KANSL3: variants seen among roughly 807,000 people sequenced by gnomAD.
KANSL3 encodes the protein KAT8 regulatory NSL complex subunit 3.
A neutral mutation model predicts 89.2 loss-of-function variants in KANSL3; 16 were observed. The observed-to-expected ratio is 0.18, with a 90% CI of 0.12 to 0.27. The LOEUF (loss-of-function observed/expected upper bound fraction) is 0.27. KANSL3 is among the 10% of genes least tolerant of loss of function. KANSL3 has a pLI of 1.00. For missense variants in KANSL3, 879 were observed against 1,110.6 expected, an observed-to-expected ratio of 0.79 and a Z score of 2.96; for synonymous variants, 385 against 419.7, an observed-to-expected ratio of 0.92 and a Z score of 1.01.
At chr2:96,585,077 G>A in the KANSL3 span, among the ~76,000 whole-genome samples, 2 of 152,080 alleles carry the variant, frequency 1.3e-5, no homozygotes, top group Non-Finnish European at 2.9e-5. Context: ...TGTTGGCTTA[G>A]GTAAAGAGTT....
In KANSL3 at chr2:96,622,095, C is replaced by G. The variant is rs141250094; in HGVS notation, c.387-2333G>C. 8.4e-3 allele frequency among the ~76,000 whole-genome samples: 1,217 copies of G among 144,414 alleles called. 13 individuals are homozygous for G. The highest frequency in any genetic ancestry group is 0.029 in the African/African-American group (1,151 of 39,058). The allele number at this position is 144,414 out of a possible 152,430, so 94.7% of individuals were successfully genotyped here. ...TGCCATTGCACTCCAGCCTGGGCAA[C>G]AGAGAGAGACTCCAGCTCAAAAAAA... On this transcript the variant is annotated intron_variant, in intron 3 of 20. Coordinates refer to ENST00000431828, the MANE Select transcript of KANSL3 (RefSeq NM_001115016.3).
intron 14 of KANSL3, 139 bp downstream of exon 14, chr2:96,608,369 T>C: frequency 2.6e-6 from 2 of 769,162 alleles, no homozygotes; most frequent in Non-Finnish European, 4.2e-6. Flanking sequence ...ATTTTGAATT[T>C]TGCCTGCACA....
At chr2:96,630,649 T>C (rs560054430) in intron 3 of KANSL3, among the ~76,000 whole-genome samples, 1 of 152,328 alleles carries the variant, frequency 6.6e-6, no homozygotes, top group Non-Finnish European at 1.5e-5. Flanking sequence ...TGACTGTACA[T>C]ATTAAATAGC....
At position 96,612,486 on chromosome 2, in the gene KANSL3, C is replaced by A; in HGVS notation, c.990G>T (p.Gly330=). Residue 330 remains glycine, a synonymous_variant, in exon 8 of 21, where the codon GGG becomes GGT. Transcript: ENST00000431828. ...GVLQCLEHMI[G]AVRSKVLEIH... is the part of the protein sequence containing the mutation. ...CCTCCAGCACTTTGCTTCTCACTGC[C>A]CCAATCATATGCTCGAGACACTGTA... 1 of 1,613,896 alleles carries A rather than the reference C, an allele frequency of 6.2e-7. No individual in the cohort carries two copies. Among genetic ancestry groups the A allele is most frequent in the Non-Finnish European group, 8.5e-7 (1 of 1,179,836 alleles).
chr2:96,602,701 G>A (rs2067358865), intron 18 of KANSL3, 52 bp downstream of exon 18: 3 of 1,442,004 alleles, frequency 2.1e-6, no homozygotes, highest in South Asian at 1.3e-5. Context: ...CAACTAAGCT[G>A]AGGAGGCCTC....
rs552245006 is a variant in KANSL3 at position 96,598,734 on chromosome 2, AC to A, written c.2616+2908del. Among the ~76,000 whole-genome samples, 601 of 152,124 alleles carry A rather than the reference AC, an allele frequency of 4.0e-3. 2 individuals are homozygous for A. The highest frequency in any genetic ancestry group is 8.7e-3 in the South Asian group (42 of 4,814). ...AGACAAGCCTGGACAACATGGTGAA[AC>A]CCTGTCTCTACTAAAAATAGAAAAA... On this transcript the variant is annotated intron_variant, in intron 20 of 20. Transcript: ENST00000431828.
intron 20 of KANSL3, among the ~76,000 whole-genome samples, chr2:96,597,848 G>C (rs148899991): frequency 6.6e-6 from 1 of 152,038 alleles, no homozygotes; most frequent in Non-Finnish European, 1.5e-5. Context: ...TGATCCACCC[G>C]CCTAGGTCTC....
chr2:96,598,769 G>C (rs1383073522), intron 20 of KANSL3, among the ~76,000 whole-genome samples: 2 of 152,010 alleles, frequency 1.3e-5, no homozygotes, highest in African/African-American at 4.8e-5. Context: ...AATTAGCTGA[G>C]GGTGGTGGCA....
chr2:96,599,415 T>C (rs1044359807), intron 20 of KANSL3, among the ~76,000 whole-genome samples: 2 of 152,216 alleles, frequency 1.3e-5, no homozygotes, highest in South Asian at 2.1e-4. Context: ...AAATGGTACA[T>C]TGTATGTTAT....
Position 96,612,522 on chromosome 2 carries a change from C to T in KANSL3, c.954G>A (p.Gly318=). 6.2e-7 allele frequency: 1 copy of T among 1,613,966 alleles called. No homozygotes were observed. ...VATHLLNNGS[G]VGVLQCLEHM... ...GCTCGAGACACTGTAGAACTCCTAC[C>T]CCACTGCCATTGTTCAGCAGATGGG... Residue 318 remains glycine (G), a synonymous_variant, in exon 8 of 21, where the codon GGG becomes GGA. Transcript: ENST00000431828.
chr2:96,622,084 A>G (rs1257080903), intron 3 of KANSL3, among the ~76,000 whole-genome samples: 1 of 151,496 alleles, frequency 6.6e-6, no homozygotes, highest in South Asian at 2.1e-4. Context: ...ATTGCACTCC[A>G]GCCTGGGCAA....
intron 5 of KANSL3, chr2:96,615,165 C>CAAAAAAAAACAAAAAAAAAAAAAAAAA (rs2069777822): frequency 1.2e-5 from 1 of 83,044 alleles, no homozygotes; most frequent in African/African-American, 6.3e-5. Context: ...GAGACTGTCT[C>CAAAAAAAAACAAAAAAAAAAAAAAAAA]AAAAAAAAAA....
intron 5 of KANSL3, among the ~76,000 whole-genome samples, chr2:96,618,816 T>C (rs938861927): frequency 2.0e-5 from 3 of 152,200 alleles, no homozygotes; most frequent in Non-Finnish European, 1.5e-5. Flanking sequence ...ATGCAATCAC[T>C]GGAATCACCA....
chr2:96,610,910 G>A lies in KANSL3; in HGVS notation c.1162-27C>T, dbSNP rs1038039363. The A allele has an allele frequency of 6.2e-6, 10 of 1,608,442 alleles. No homozygotes were observed. In the African/African-American group the frequency reaches 9.4e-5, roughly 15 times the overall value. ...TAAAACAGGTATAGGTTTTAGAATC[G>A]GCTTCTTCATATTCACAAAGCACTG... On this transcript the variant is annotated intron_variant, in intron 10 of 20. Transcript: ENST00000431828.
chr2:96,612,508 T>C lies in KANSL3; in HGVS notation c.968A>G (p.Gln323Arg), dbSNP rs942705577. ...TGCCCCAATCATATGCTCGAGACACTGTAGAACTCCTACCCCACTGCCATT... is the reference window on the plus strand; with the variant it reads ...TGCCCCAATCATATGCTCGAGACACCGTAGAACTCCTACCCCACTGCCATT... The part of the protein sequence containing the change: ...LNNGSGVGVL[Q>R]CLEHMIGAVR... The change falls in exon 8 of 21, where the codon CAG (glutamine) becomes CGG (arginine). Residue 323 changes from glutamine to arginine, a missense_variant. Coordinates refer to ENST00000431828, the MANE Select transcript of KANSL3 (RefSeq NM_001115016.3). 6.2e-7 allele frequency: 1 copy of C among 1,613,934 alleles called. No individual in the cohort carries two copies. Among genetic ancestry groups the C allele is most frequent in the East Asian group, 2.2e-5 (1 of 44,886 alleles).
intron 16 of KANSL3, 30 bp from the exon 17 acceptor site, chr2:96,604,410 C>G: frequency 6.2e-7 from 1 of 1,602,252 alleles, no homozygotes. Context: ...CTCTGTTATC[C>G]AAAGGTCACA....
At chr2:96,603,543 C>G (rs990791861) in intron 17 of KANSL3, 2 of 152,484 alleles carry the variant, frequency 1.3e-5, no homozygotes, top group African/African-American at 4.8e-5. Context: ...CTCGGCCTCC[C>G]AAAGTGTTGG....
chr2:96,604,739 G>C (rs532139458), intron 16 of KANSL3, 40 bp downstream of exon 16: 1 of 1,511,824 alleles, frequency 6.6e-7, no homozygotes, highest in South Asian at 1.2e-5. Context: ...AGAGGGAAGG[G>C]AAAAAAGGAA....
At chr2:96,606,304 T>C (rs1045096442) in intron 14 of KANSL3, 5 of 152,680 alleles carry the variant, frequency 3.3e-5, no homozygotes, top group Admixed American at 2.0e-4. Context: ...TCAAACAGGC[T>C]CATCATGTAT....
Sources: allele counts gnomAD v4.1 joint callset (sites outside exome capture counted in the v4.1 genomes callset), GRCh38; gene constraint gnomAD v4.1.1; transcripts MANE v1.5; gene names NCBI Gene and HGNC (gene_info 2026-07-23, HGNC 2026-07-21).